The following LIMA1 variants were observed in gnomAD, a reference collection of about 807,000 sequenced individuals.
LIMA1 encodes LIM domain and actin binding 1.
In LIMA1, 52 loss-of-function variants were observed where a neutral mutation model predicts 62.6. The observed-to-expected ratio is 0.83, with a 90% CI of 0.67 to 1.05. The LOEUF (loss-of-function observed/expected upper bound fraction) is 1.05. Ranked by LOEUF, LIMA1 falls within the 50% of genes least tolerant of loss-of-function variation. The pLI, the probability that LIMA1 is intolerant of heterozygous loss-of-function variation, is 0.00. For missense variants in LIMA1, 780 were observed against 902.2 expected (o/e 0.86, Z 1.74); for synonymous variants, 302 against 317.8 (o/e 0.95, Z 0.53).
At chr12:50,204,100 A>G (rs1941106406) in intron 6 of LIMA1, among the ~76,000 whole-genome samples, 1 of 152,216 alleles carries the variant, frequency 6.6e-6, no homozygotes, top group Non-Finnish European at 1.5e-5. Context: ...TCAGTAAAAA[A>G]TCACAAAAAA....
At chr12:50,194,962 C>T (rs1221869705) in intron 8 of LIMA1, among the ~76,000 whole-genome samples, 3 of 151,996 alleles carry the variant, frequency 2.0e-5, no homozygotes, top group Non-Finnish European at 4.4e-5. Flanking sequence ...ACAGGAGAAT[C>T]GCTTGAACCT....
intron 1 of LIMA1, chr12:50,249,667 G>A (rs774585090): frequency 1.7e-4 from 26 of 152,148 alleles, no homozygotes; most frequent in Non-Finnish European, 2.6e-4. Context: ...AATTACCAAA[G>A]GAAAGGAGTT....
intron 9 of LIMA1, chr12:50,185,426 G>A: frequency 2.2e-6 from 1 of 456,196 alleles, no homozygotes; most frequent in Non-Finnish European, 4.4e-6. Context: ...CAGAAATTAG[G>A]TACCAGGAGC....
chr12:50,244,338 C>T lies in LIMA1; in HGVS notation c.119+4295G>A, dbSNP rs375190803. On this transcript the variant is annotated intron_variant, in intron 2 of 10. Transcript: ENST00000341247. ...CAGGCTGGTCTTGAACTCCTGACCTCGTGATCTGCCCGCCTCAGCCTCCCA... is the reference window on the plus strand; with the variant it reads ...CAGGCTGGTCTTGAACTCCTGACCTTGTGATCTGCCCGCCTCAGCCTCCCA... Among the ~76,000 whole-genome samples the T allele has an allele frequency of 4.6e-5, 7 of 151,950 alleles. No homozygotes were observed. The South Asian group carries it at 1.2e-3, about 27-fold the overall frequency.
At chr12:50,202,275 G>A (rs531511449) in intron 6 of LIMA1, among the ~76,000 whole-genome samples, 37 of 152,240 alleles carry the variant, frequency 2.4e-4, no homozygotes, top group African/African-American at 8.9e-4. Flanking sequence ...TAAGGGGCCT[G>A]GGAAATTCTT....
intron 8 of LIMA1, among the ~76,000 whole-genome samples, chr12:50,195,116 C>T (rs1418047483): frequency 2.0e-5 from 3 of 151,920 alleles, no homozygotes; most frequent in Non-Finnish European, 4.4e-5. Context: ...GGTGGGAGGA[C>T]TGCTTGAGCC....
chr12:50,211,272 A>C (rs1941250924), intron 4 of LIMA1, among the ~76,000 whole-genome samples: 1 of 150,754 alleles, frequency 6.6e-6, no homozygotes. Flanking sequence ...GCAGCGAGCC[A>C]AGATCACGCC....
intron 9 of LIMA1, among the ~76,000 whole-genome samples, chr12:50,184,238 C>T (rs775363077): frequency 2.6e-5 from 4 of 152,276 alleles, no homozygotes; most frequent in African/African-American, 9.6e-5. Context: ...AACACATTAT[C>T]GTATTTGGAG....
chr12:50,246,765 T>G (rs1239726509), intron 2 of LIMA1, among the ~76,000 whole-genome samples: 2 of 152,180 alleles, frequency 1.3e-5, no homozygotes, highest in Non-Finnish European at 2.9e-5. Context: ...CCTTTATTCG[T>G]GTTCAGCTTC....
chr12:50,198,735 C>G (rs1028764991), intron 7 of LIMA1, among the ~76,000 whole-genome samples: 26 of 152,164 alleles, frequency 1.7e-4, no homozygotes, highest in African/African-American at 5.1e-4. Flanking sequence ...TTCTCCTCAT[C>G]TCATTTAACA....
At position 50,205,789 on chromosome 12, in the gene LIMA1, C is replaced by T. The variant is rs1013738792; in HGVS notation, c.715+195G>A. On this transcript the variant is annotated intron_variant, in intron 5 of 10. Coordinates refer to ENST00000341247, the MANE Select transcript of LIMA1 (RefSeq NM_016357.5). ...AGCACTTTGGGAGCACGTCAACTTCCGTCTCAAAAAAAAAAAAAAAAAAAA... is the reference window on the plus strand; with the variant it reads ...AGCACTTTGGGAGCACGTCAACTTCTGTCTCAAAAAAAAAAAAAAAAAAAA... 8.9e-5 allele frequency among the ~76,000 whole-genome samples: 12 copies of T among 135,498 alleles called. No homozygotes were observed. In the East Asian group the frequency reaches 1.4e-3, roughly 16 times the overall value. 88.9% of individuals were successfully genotyped at this position (135,498 alleles called of 152,430 possible).
intron 10 of LIMA1, among the ~76,000 whole-genome samples, chr12:50,181,112 C>CAAAA (rs35433011): frequency 7.0e-5 from 5 of 71,084 alleles, no homozygotes; most frequent in African/African-American, 1.1e-4. Flanking sequence ...ACTCTGTATC[C>CAAAA]AAAAAAAAAA....
chr12:50,184,197 G>A (rs537634970), intron 9 of LIMA1, among the ~76,000 whole-genome samples: 2 of 152,314 alleles, frequency 1.3e-5, no homozygotes, highest in South Asian at 2.1e-4. Context: ...ATAACCAAAT[G>A]TTATTGTAAT....
At chr12:50,218,630 G>T (rs941021258) in intron 4 of LIMA1, among the ~76,000 whole-genome samples, 1 of 152,182 alleles carries the variant, frequency 6.6e-6, no homozygotes, top group Non-Finnish European at 1.5e-5. Context: ...TTCAGGCTGG[G>T]TGTGGTGGCT....
chr12:50,215,120 G>A (rs1941320695), intron 4 of LIMA1, among the ~76,000 whole-genome samples: 1 of 152,240 alleles, frequency 6.6e-6, no homozygotes, highest in Middle Eastern at 3.4e-3. Flanking sequence ...ACTTTAGCTT[G>A]GTTGCCTTAC....
chr12:50,182,835 A>T (rs1940534859), intron 9 of LIMA1, among the ~76,000 whole-genome samples: 1 of 152,196 alleles, frequency 6.6e-6, no homozygotes, highest in African/African-American at 2.4e-5. Context: ...ATCCTAAAGA[A>T]TATAAAACAG....
At chr12:50,247,110 C>T (rs1272895778) in intron 2 of LIMA1, among the ~76,000 whole-genome samples, 1 of 151,888 alleles carries the variant, frequency 6.6e-6, no homozygotes, top group Non-Finnish European at 1.5e-5. Context: ...TGCACTCCAG[C>T]CTGGGTGACA....
chr12:50,254,047 A>G (rs999813829), intron 1 of LIMA1, among the ~76,000 whole-genome samples: 4 of 150,620 alleles, frequency 2.7e-5, no homozygotes, highest in African/African-American at 9.7e-5. Flanking sequence ...AAAAAAAAAA[A>G]GAAAGGTATA....
intron 1 of LIMA1, among the ~76,000 whole-genome samples, chr12:50,261,588 G>C (rs550517183): frequency 2.0e-5 from 3 of 152,160 alleles, no homozygotes; most frequent in African/African-American, 7.2e-5. Flanking sequence ...TGTTCCAGAT[G>C]CCTTCCCTGA....
Sources: gnomAD v4.1 joint callset for allele counts (sites outside exome capture counted in the v4.1 genomes callset) on GRCh38, gnomAD v4.1.1 for gene constraint, MANE v1.5 for transcripts, NCBI Gene and HGNC (gene_info 2026-07-23, HGNC 2026-07-21) for gene names.